NDRG3: variants seen among roughly 807,000 people sequenced by gnomAD.
NDRG3 encodes protein NDRG3.
A neutral mutation model predicts 57.2 loss-of-function variants in NDRG3; 23 were observed. The ratio of observed to expected loss-of-function variants is 0.40; its 90% CI spans 0.29 to 0.57. The LOEUF (loss-of-function observed/expected upper bound fraction) is 0.57. Among genes scored for constraint, NDRG3 ranks in the 20% least tolerant of loss-of-function variants. The pLI is 0.42. For synonymous variants in NDRG3, 132 were observed against 162.6 expected (o/e 0.81, Z 1.43); for missense variants, 384 against 457.3 (o/e 0.84, Z 1.46).
intron 1 of NDRG3, among the ~76,000 whole-genome samples, chr20:36,723,463 G>A (rs1376131216): frequency 6.6e-6 from 1 of 151,956 alleles, no homozygotes; most frequent in African/African-American, 2.4e-5. Context: ...TTCAGAGTTG[G>A]GGATTTACAT....
chr20:36,739,909 C>CAAA (rs774462877), intron 1 of NDRG3, among the ~76,000 whole-genome samples: 13 of 41,500 alleles, frequency 3.1e-4, no homozygotes, highest in Admixed American at 4.8e-4. Flanking sequence ...GACTCCGTCT[C>CAAA]AAAAAAAAAA....
intron 8 of NDRG3, among the ~76,000 whole-genome samples, chr20:36,671,933 A>G (rs184869602): frequency 4.2e-4 from 64 of 152,320 alleles, no homozygotes; most frequent in African/African-American, 9.6e-4. Context: ...AAAGCCTGCT[A>G]TGAAATAGGG....
At chr20:36,708,371 C>T (rs1036892638) in intron 2 of NDRG3, among the ~76,000 whole-genome samples, 3 of 152,024 alleles carry the variant, frequency 2.0e-5, no homozygotes, top group Non-Finnish European at 2.9e-5. Context: ...TCTTCAGGGC[C>T]GGGCACGGTG....
At chr20:36,695,014 C>T (rs6065201) in intron 3 of NDRG3, among the ~76,000 whole-genome samples, 43,574 of 151,994 alleles carry the variant, frequency 0.29, 6,756 homozygotes, top group Middle Eastern at 0.37. Context: ...CTGCTGAAGC[C>T]GTGATAGAAG....
chr20:36,736,213 T>C (rs1350092933), intron 1 of NDRG3, among the ~76,000 whole-genome samples: 3 of 152,144 alleles, frequency 2.0e-5, no homozygotes, highest in Non-Finnish European at 4.4e-5. Flanking sequence ...CACTTAAACC[T>C]GGGAAGCAGT....
chr20:36,685,593 G>C (rs1035209254), intron 5 of NDRG3, among the ~76,000 whole-genome samples: 1 of 152,144 alleles, frequency 6.6e-6, no homozygotes, highest in Non-Finnish European at 1.5e-5. Context: ...CTACAGGTGT[G>C]AGCCACTGTG....
Position 36,653,464 on chromosome 20 carries a change from T to G in NDRG3, c.*56A>C. On this transcript the variant is annotated 3_prime_UTR_variant, in exon 16 of 16. Coordinates refer to ENST00000349004, the MANE Select transcript of NDRG3 (RefSeq NM_032013.4). The surrounding 1 kb of genome is among the most constrained non-coding windows in gnomAD (Gnocchi z 4.2). ...CAGTTTACTGGATGAAATGTTATAT[T>G]ATGGAGTGGTCATTTGAAGGATGGA... 6.6e-7 allele frequency: 1 copy of G among 1,507,730 alleles called. No homozygotes were observed. Among genetic ancestry groups the G allele is most frequent in the Non-Finnish European group, 9.1e-7 (1 of 1,095,888 alleles). The allele number at this position is 1,507,730 out of a possible 1,614,324, so 93.4% of individuals were successfully genotyped here.
At chr20:36,707,137 A>C in intron 2 of NDRG3, 130 bp from the exon 3 acceptor site, 13 of 796,402 alleles carry the variant, frequency 1.6e-5, no homozygotes, top group Non-Finnish European at 2.7e-5. Flanking sequence ...AATAGTTCTC[A>C]TCAGAAGGTT....
intron 3 of NDRG3, 96 bp downstream of exon 3, chr20:36,706,876 T>C (rs1983577830): frequency 9.7e-7 from 1 of 1,035,884 alleles, no homozygotes; most frequent in Non-Finnish European, 1.5e-6. Context: ...TTATTAGCTA[T>C]AATGAGAGAT....
At chr20:36,689,160 T>C (rs1982049584) in intron 3 of NDRG3, among the ~76,000 whole-genome samples, 1 of 152,162 alleles carries the variant, frequency 6.6e-6, no homozygotes, top group Non-Finnish European at 1.5e-5. Flanking sequence ...TGCTACTGCA[T>C]TCTAGCCTGG....
At chr20:36,711,754 T>C (rs962520894) in intron 2 of NDRG3, among the ~76,000 whole-genome samples, 17 of 152,214 alleles carry the variant, frequency 1.1e-4, no homozygotes, top group African/African-American at 4.1e-4. Flanking sequence ...TACCAATAAC[T>C]GAGTGAAGAC....
chr20:36,728,944 A>ACTCCTGACCTCAGGTGATCCGCCGAC (rs1985114017), intron 1 of NDRG3, among the ~76,000 whole-genome samples: 1 of 151,736 alleles, frequency 6.6e-6, no homozygotes, highest in African/African-American at 2.4e-5. Context: ...CTGGTCTCGA[A>ACTCCTGACCTCAGGTGATCCGCCGAC]CTCCTGACCT....
chr20:36,669,126 G>A (rs918914900), intron 9 of NDRG3, among the ~76,000 whole-genome samples: 1 of 151,148 alleles, frequency 6.6e-6, no homozygotes. Flanking sequence ...GCGCGATCTC[G>A]GCTCAACGCA....
Position 36,665,760 on chromosome 20 carries a change from G to A in NDRG3, c.693-459C>T, listed in dbSNP as rs145685779. 6.0e-3 allele frequency among the ~76,000 whole-genome samples: 915 copies of A among 152,176 alleles called. 10 individuals carry two copies. Among genetic ancestry groups the A allele is most frequent in the African/African-American group, 0.02 (841 of 41,510 alleles). ...ATTACAGGCGCCCGCCACTACACCC[G>A]GCTAATTTTTGTATTTTTGTAGAGA... On this transcript the variant is annotated intron_variant, in intron 10 of 15. Transcript: ENST00000349004.
Position 36,726,939 on chromosome 20 carries a change from AAGAG to A in NDRG3, c.-48-5160_-48-5157del, listed in dbSNP as rs552230886. 3.7e-4 allele frequency among the ~76,000 whole-genome samples: 55 copies of A among 148,350 alleles called. No homozygotes were observed. The East Asian group carries it at 0.01, about 28-fold the overall frequency. ...CTTTTTTTTTTTTTTTTCCTGAGAC[AAGAG>A]TCTTGCTCTGTTGCCCAGGCTGGAG... On this transcript the variant is annotated intron_variant, in intron 1 of 15. Coordinates refer to ENST00000349004, the MANE Select transcript of NDRG3 (RefSeq NM_032013.4).
At chr20:36,682,226 A>G (rs1981362720) in intron 7 of NDRG3, among the ~76,000 whole-genome samples, 1 of 152,228 alleles carries the variant, frequency 6.6e-6, no homozygotes, top group Non-Finnish European at 1.5e-5. Flanking sequence ...TATGCAAACC[A>G]TGTATCATTA....
At chr20:36,719,401 T>TA (rs1311138452) in intron 2 of NDRG3, among the ~76,000 whole-genome samples, 1 of 125,936 alleles carries the variant, frequency 7.9e-6, no homozygotes, top group African/African-American at 3.1e-5. Flanking sequence ...CACTCGAGCC[T>TA]GGTGACAGAG....
chr20:36,731,891 TGGGAG>T (rs1985307838), intron 1 of NDRG3, among the ~76,000 whole-genome samples: 3 of 150,740 alleles, frequency 2.0e-5, no homozygotes, highest in African/African-American at 7.3e-5. Flanking sequence ...CTTTGGGAGG[TGGGAG>T]GATCACTTGA....
chr20:36,718,711 C>T (rs1026442121), intron 2 of NDRG3, among the ~76,000 whole-genome samples: 3 of 152,108 alleles, frequency 2.0e-5, no homozygotes, highest in African/African-American at 7.2e-5. Flanking sequence ...GACAGGGTCT[C>T]ACTCTGTTGC....
Sources: gnomAD v4.1 joint callset for allele counts (sites outside exome capture counted in the v4.1 genomes callset) on GRCh38, gnomAD v4.1.1 for gene constraint, Gnocchi (gnomAD v3.1) non-coding constraint, MANE v1.5 for transcripts, NCBI Gene and HGNC (gene_info 2026-07-23, HGNC 2026-07-21) for gene names.